DNAH8: variants seen among roughly 807,000 people sequenced by gnomAD.
DNAH8 encodes the protein axonemal beta dynein heavy chain 8.
A neutral mutation model predicts 562.1 loss-of-function variants in DNAH8; 382 were observed. That is an observed-to-expected ratio of 0.68 (90% CI 0.63 to 0.74). The LOEUF (loss-of-function observed/expected upper bound fraction) is 0.74, where lower values mean the gene tolerates loss of function less well. Among genes scored for constraint, DNAH8 ranks in the 30% least tolerant of loss-of-function variants. The pLI, the probability that DNAH8 is intolerant of heterozygous loss-of-function variation, is 0.00. For missense variants in DNAH8, 5,203 were observed against 5,620.4 expected (o/e 0.93, Z 2.37); for synonymous variants, 1,881 against 1,919.4 (o/e 0.98, Z 0.52).
At chr6:38,974,589 T>A (rs1251374261) in intron 85 of DNAH8, 60 bp downstream of exon 85, 19 of 1,402,910 alleles carry the variant, frequency 1.4e-5, no homozygotes, top group Non-Finnish European at 1.8e-5. Flanking sequence ...TGAGGCCCCA[T>A]TGGAGAGGCT....
chr6:38,938,742 G>GT, intron 78 of DNAH8, 56 bp from the exon 79 acceptor site: 1 of 1,350,652 alleles, frequency 7.4e-7, no homozygotes, highest in South Asian at 1.4e-5. Context: ...GAACTTGAAA[G>GT]TTTTTTAAAA....
At position 38,823,185 on chromosome 6, in the gene DNAH8, G is replaced by A. The variant is rs1773028956; in HGVS notation, c.3720+151G>A. On this transcript the variant is annotated intron_variant, in intron 27 of 92. Coordinates refer to ENST00000327475, the MANE Select transcript of DNAH8 (RefSeq NM_001206927.2). ...AAGCACCTGTCACCTTCTAGCTGGT[G>A]TAATTCTCACATGGACACACTGAGG... The A allele has an allele frequency of 1.8e-5, 12 of 667,874 alleles. No homozygotes were observed. In the East Asian group the frequency reaches 2.8e-4, roughly 16 times the overall value. 41.4% of individuals were successfully genotyped at this position (667,874 alleles called of 1,614,324 possible).
intron 7 of DNAH8, among the ~76,000 whole-genome samples, chr6:38,738,648 G>A (rs1177032112): frequency 6.6e-6 from 1 of 152,188 alleles, no homozygotes; most frequent in African/African-American, 2.4e-5. Context: ...CTTCAGTTAT[G>A]TGAGGATCAA....
chr6:38,940,193 C>T (rs1783321888), intron 79 of DNAH8, among the ~76,000 whole-genome samples: 1 of 152,096 alleles, frequency 6.6e-6, no homozygotes, highest in African/African-American at 2.4e-5. Context: ...TTCAATCTTC[C>T]CAACTGCAGG....
At position 38,974,542 on chromosome 6, in the gene DNAH8, A is replaced by G. The variant is rs1399696857; in HGVS notation, c.12834+13A>G. The G allele has an allele frequency of 9.3e-6, 15 of 1,609,018 alleles. No individual in the cohort carries two copies. Among genetic ancestry groups the G allele is most frequent in the Non-Finnish European group, 1.3e-5 (15 of 1,177,104 alleles). ...CTCCACTGTGCAGGTAACTGCAGAA[A>G]GCAGTTTTCACATTTAGGAGATGGC... On this transcript the variant is annotated intron_variant, in intron 85 of 92. Transcript: ENST00000327475.
intron 85 of DNAH8, among the ~76,000 whole-genome samples, chr6:38,980,867 T>C (rs989390258): frequency 1.3e-5 from 2 of 152,212 alleles, no homozygotes; most frequent in African/African-American, 4.8e-5. Flanking sequence ...TGAAACTCAG[T>C]AATTCAAACC....
Position 38,915,289 on chromosome 6 carries a change from T to C in DNAH8, c.10052T>C (p.Val3351Ala). ...QEVKDKAQKIVDEIDSEKVKA... is the reference protein window; with the variant it reads ...QEVKDKAQKIADEIDSEKVKA... The stretch of plus-strand genomic sequence containing the variant: ...GTAAAGGACAAAGCCCAAAAAATTG[T>C]GGATGAAATTGATAGTGAAAAAGTG... Residue 3351 changes from valine to alanine, a missense_variant, in exon 68 of 93, where the codon GTG (valine) becomes GCG (alanine). Transcript: ENST00000327475. 1 of 1,610,754 alleles carries C rather than the reference T, an allele frequency of 6.2e-7. No individual in the cohort carries two copies. The highest frequency in any genetic ancestry group is 8.5e-7 in the Non-Finnish European group (1 of 1,178,788).
intron 88 of DNAH8, among the ~76,000 whole-genome samples, chr6:39,000,468 C>T (rs969602239): frequency 1.3e-5 from 2 of 152,176 alleles, no homozygotes; most frequent in African/African-American, 4.8e-5. Context: ...TGAGGGAGCA[C>T]TACCGCCTGA....
intron 21 of DNAH8, among the ~76,000 whole-genome samples, chr6:38,797,743 C>T (rs866597027): frequency 7.2e-5 from 11 of 152,152 alleles, no homozygotes; most frequent in African/African-American, 2.7e-4. Context: ...GTAACATCTC[C>T]CCGCTGCACA....
chr6:38,789,669 G>A (rs1769513268), intron 18 of DNAH8, 134 bp from the exon 19 acceptor site: 1 of 611,094 alleles, frequency 1.6e-6, no homozygotes, highest in South Asian at 2.4e-5. Context: ...ATCAGCATAA[G>A]TTTAAATGGG....
Position 38,971,585 on chromosome 6 carries a change from G to T in DNAH8, c.12452-7G>T. On this transcript the variant is annotated splice_polypyrimidine_tract_variant and splice_region_variant and intron_variant, in intron 82 of 92. Coordinates refer to ENST00000327475, the MANE Select transcript of DNAH8 (RefSeq NM_001206927.2). ...TTCATCATAGTGAACTTTCTCCTAT[G>T]TTACAGAATGTAGAACTATCTCAAT... 6.5e-7 allele frequency: 1 copy of T among 1,535,108 alleles called. No homozygotes were observed. Among genetic ancestry groups the T allele is most frequent in the Admixed American group, 2.1e-5 (1 of 47,632 alleles).
At chr6:38,796,437 GGGA>G (rs1341024615) in intron 21 of DNAH8, among the ~76,000 whole-genome samples, 6 of 152,060 alleles carry the variant, frequency 3.9e-5, no homozygotes, top group Non-Finnish European at 5.9e-5. Context: ...GTCCTTTTAA[GGGA>G]GGAGACCACC....
intron 68 of DNAH8, among the ~76,000 whole-genome samples, chr6:38,915,839 CACACACACACACAT>C (rs1452756220): frequency 5.5e-5 from 6 of 108,242 alleles, no homozygotes; most frequent in African/African-American, 1.1e-4. Context: ...ATATAATACA[CACACACACACACAT>C]ACACACACAC....
At chr6:38,900,502 G>A (rs1010402487) in intron 62 of DNAH8, among the ~76,000 whole-genome samples, 1 of 152,180 alleles carries the variant, frequency 6.6e-6, no homozygotes, top group Non-Finnish European at 1.5e-5. Flanking sequence ...AGCTTTAGTT[G>A]ATCTGCTTAG....
chr6:38,999,122 A>G (rs1374766232), intron 88 of DNAH8, among the ~76,000 whole-genome samples: 4 of 152,152 alleles, frequency 2.6e-5, no homozygotes, highest in South Asian at 2.1e-4. Flanking sequence ...CTTCTTCCCA[A>G]CATCTATGTT....
chr6:38,886,469 A>G (rs1011802389), intron 56 of DNAH8, among the ~76,000 whole-genome samples: 6 of 152,220 alleles, frequency 3.9e-5, no homozygotes, highest in Non-Finnish European at 5.9e-5. Flanking sequence ...AAAGATGTCT[A>G]CAGTAAAACT....
chr6:38,872,131 G>A (rs1561792935), intron 49 of DNAH8, among the ~76,000 whole-genome samples: 1 of 152,172 alleles, frequency 6.6e-6, no homozygotes, highest in African/African-American at 2.4e-5. Context: ...CTTTGAAACG[G>A]ATCTTCACTG....
At chr6:38,848,616 GA>G (rs749239189) in intron 36 of DNAH8, 31 bp from the exon 37 acceptor site, 19 of 1,559,650 alleles carry the variant, frequency 1.2e-5, no homozygotes, top group Non-Finnish European at 1.6e-5. Context: ...AATCTTCTTT[GA>G]AATGTGATTT....
chr6:38,718,443 T>C (rs1349665274), intron 1 of DNAH8, among the ~76,000 whole-genome samples: 1 of 152,200 alleles, frequency 6.6e-6, no homozygotes, highest in Non-Finnish European at 1.5e-5. Context: ...TGCCAAGCAA[T>C]ATTTGACACT....
Sources: gnomAD v4.1 joint callset for allele counts (sites outside exome capture counted in the v4.1 genomes callset) on GRCh38, gnomAD v4.1.1 for gene constraint, MANE v1.5 for transcripts, NCBI Gene and HGNC (gene_info 2026-07-23, HGNC 2026-07-21) for gene names.